Variants in VWDE observed in about 807,000 individuals in gnomAD.
The protein encoded by VWDE is von Willebrand factor D and EGF domains, also known as von Willebrand factor D and EGF domain-containing protein.
In VWDE, 207 loss-of-function variants were observed where a neutral mutation model predicts 178.4. That is an observed-to-expected ratio of 1.16 (90% CI 1.04 to 1.30). The LOEUF is 1.30. VWDE is among the 50% of genes most tolerant of loss of function. The pLI, the probability that VWDE is intolerant of heterozygous loss-of-function variation, is 0.00. For synonymous variants in VWDE, 738 were observed against 651.4 expected (o/e 1.13, Z -2.02); for missense variants, 2,287 against 1,901.3 (o/e 1.20, Z -3.77).
chr7:12,333,815 A>G, intron 27 of VWDE: 1 of 320,220 alleles, frequency 3.1e-6, no homozygotes. Context: ...TTATTAAAAG[A>G]AACAAAAATT....
In VWDE at chr7:12,336,188, C is replaced by G. The variant is rs1215612446; in HGVS notation, c.4607G>C (p.Ser1536Thr). The stretch of plus-strand genomic sequence containing the variant: ...CCAGGAGGAAGGACAATGGCATATG[C>G]TGGGCGCAATGCATTCACCACCGTT... ...CKNGGECIAP[S>T]ICHCPSSWEG... The change falls in exon 27 of 29, where the codon AGC (serine) becomes ACC (threonine). Residue 1536 changes from serine (S) to threonine (T), a missense_variant. By Grantham distance (58) the Ser-to-Thr change is moderately conservative. Coordinates refer to ENST00000275358, the MANE Select transcript of VWDE (RefSeq NM_001135924.3). 1.3e-6 allele frequency: 2 copies of G among 1,551,388 alleles called. No homozygotes were observed. Among genetic ancestry groups the G allele is most frequent in the Non-Finnish European group, 8.7e-7 (1 of 1,146,898 alleles).
In VWDE at chr7:12,369,601, T is replaced by C. The variant is rs1475305268; in HGVS notation, c.2705A>G (p.Glu902Gly). 6.4e-7 allele frequency: 1 copy of C among 1,551,136 alleles called. No homozygotes were observed. The highest frequency in any genetic ancestry group is 1.2e-5 in the South Asian group (1 of 84,038). The change falls in exon 12 of 29, where the codon GAA becomes GGA. Residue 902 changes from glutamate to glycine, a missense_variant. Coordinates refer to ENST00000275358, the MANE Select transcript of VWDE (RefSeq NM_001135924.3). ...NLCSGNGQCMEWGCACSPSFS... is the reference protein window; with the variant it reads ...NLCSGNGQCMGWGCACSPSFS... ...GCTTGGGGAACACGCACACCCCCAT[T>C]CCATGCACTGCCCATTGCCGCTGCA...
chr7:12,333,611 A>T, intron 27 of VWDE, 43 bp from the exon 28 acceptor site: 1 of 1,347,996 alleles, frequency 7.4e-7, no homozygotes. Flanking sequence ...TTTGACATGA[A>T]ATGCTTGTGG....
chr7:12,391,650 G>A (rs1370358853), intron 2 of VWDE, among the ~76,000 whole-genome samples: 1 of 152,082 alleles, frequency 6.6e-6, no homozygotes, highest in Non-Finnish European at 1.5e-5. Context: ...AGCGACTAAT[G>A]AGCAAATAAA....
At chr7:12,377,133 T>C (rs1435158323) in intron 7 of VWDE, among the ~76,000 whole-genome samples, 6 of 152,122 alleles carry the variant, frequency 3.9e-5, no homozygotes, top group African/African-American at 1.4e-4. Context: ...AAAAAGAACA[T>C]AATCAAGCCA....
At chr7:12,345,898 G>A (rs907611999) in intron 19 of VWDE, among the ~76,000 whole-genome samples, 1 of 152,128 alleles carries the variant, frequency 6.6e-6, no homozygotes, top group African/African-American at 2.4e-5. Context: ...ATAGTAGCGG[G>A]AGTAGGAGTA....
chr7:12,370,246 G>A lies in VWDE; in HGVS notation c.2060C>T (p.Pro687Leu). The A allele has an allele frequency of 6.4e-7, 1 of 1,551,026 alleles. No homozygotes were observed. The highest frequency in any genetic ancestry group is 1.2e-5 in the South Asian group (1 of 84,052). Residue 687 changes from proline (P) to leucine (L), a missense_variant, in exon 12 of 29, where the codon CCA (proline) becomes CTA (leucine). Transcript: ENST00000275358. Reference sequence around the variant, plus strand: ...AAATAAATTTAGATTATATTCTTCTGGAGATGTATGCTTGTTTATCTCTCT... The same window carrying A: ...AAATAAATTTAGATTATATTCTTCTAGAGATGTATGCTTGTTTATCTCTCT... ...LVREINKHTS[P>L]EEYNLNLFLQ...
intron 2 of VWDE, 23 bp downstream of exon 2, chr7:12,393,571 C>T (rs1583353670): frequency 1.4e-6 from 2 of 1,476,774 alleles, no homozygotes; most frequent in Non-Finnish European, 1.8e-6. Flanking sequence ...AAATAACATG[C>T]AGTACTTAGG....
chr7:12,333,229 T>C (rs550278824), intron 28 of VWDE, among the ~76,000 whole-genome samples: 31 of 152,282 alleles, frequency 2.0e-4, no homozygotes, highest in African/African-American at 7.2e-4. Flanking sequence ...CATGAAATAC[T>C]GCGTTACATT....
At chr7:12,375,283 A>G in intron 7 of VWDE, 56 bp from the exon 8 acceptor site, 1 of 1,172,574 alleles carries the variant, frequency 8.5e-7, no homozygotes, top group Non-Finnish European at 1.2e-6. Flanking sequence ...TAACCAAAGC[A>G]TGTAATAAAT....
At chr7:12,371,867 C>CT in intron 10 of VWDE, among the ~76,000 whole-genome samples, 1 of 152,048 alleles carries the variant, frequency 6.6e-6, no homozygotes, top group East Asian at 1.9e-4. Context: ...TTAACTATGA[C>CT]TTTTTCATCT....
At chr7:12,333,625 A>C in intron 27 of VWDE, 57 bp from the exon 28 acceptor site, 4 of 1,210,640 alleles carry the variant, frequency 3.3e-6, no homozygotes, top group Non-Finnish European at 4.8e-6. Flanking sequence ...CTTGTGGCAT[A>C]TTCTATCCTA....
At chr7:12,384,859 T>C (rs1784021502) in intron 3 of VWDE, among the ~76,000 whole-genome samples, 1 of 152,100 alleles carries the variant, frequency 6.6e-6, no homozygotes, top group Non-Finnish European at 1.5e-5. Context: ...ATTTAGTATT[T>C]AAACTAAAAG....
At chr7:12,391,850 A>G (rs1298423038) in intron 2 of VWDE, among the ~76,000 whole-genome samples, 1 of 152,144 alleles carries the variant, frequency 6.6e-6, no homozygotes, top group Non-Finnish European at 1.5e-5. Flanking sequence ...ATAATCTTAT[A>G]TGATGTGATC....
At chr7:12,376,483 T>C (rs958293953) in intron 7 of VWDE, among the ~76,000 whole-genome samples, 1 of 152,144 alleles carries the variant, frequency 6.6e-6, no homozygotes, top group African/African-American at 2.4e-5. Flanking sequence ...AGGCTATTAT[T>C]ATATTATTTT....
chr7:12,357,589 A>G (rs1782329728), intron 16 of VWDE, 74 bp from the exon 17 acceptor site: 5 of 1,465,716 alleles, frequency 3.4e-6, no homozygotes, highest in South Asian at 2.6e-5. Flanking sequence ...GAGCTCCCAC[A>G]GAGATATGCA....
In VWDE at chr7:12,339,522, G is replaced by A. The variant is rs975027532; in HGVS notation, c.4366+800C>T. 6.6e-5 allele frequency among the ~76,000 whole-genome samples: 10 copies of A among 152,048 alleles called. No individual in the cohort carries two copies. The South Asian group carries it at 8.3e-4, about 13-fold the overall frequency. On this transcript the variant is annotated intron_variant, in intron 24 of 28. Transcript: ENST00000275358. ...CTATGCCCGTATATCCTGTGTTAGC[G>A]GGATGACTTCTTTTCTGCTTTATTT...
chr7:12,377,108 C>G (rs985661072), intron 7 of VWDE, among the ~76,000 whole-genome samples: 1 of 152,206 alleles, frequency 6.6e-6, no homozygotes, highest in Middle Eastern at 3.4e-3. Context: ...ATCTCTACAT[C>G]AGGGGCTCAG....
Position 12,370,167 on chromosome 7 carries a change from T to C in VWDE, c.2139A>G (p.Lys713=). 3 of 1,551,532 alleles carry C rather than the reference T, an allele frequency of 1.9e-6. No homozygotes were observed. Among genetic ancestry groups the C allele is most frequent in the Non-Finnish European group, 2.6e-6 (3 of 1,146,896 alleles). The change falls in exon 12 of 29, where the codon AAA becomes AAG. Residue 713 remains lysine (K), a synonymous_variant. Coordinates refer to ENST00000275358, the MANE Select transcript of VWDE (RefSeq NM_001135924.3). ...NLTKLGLNVQ[K]HPGNEKEDSL... ...AATCTTCTTTCTCATTTCCAGGATG[T>C]TTTTGTACATTTAAGCCGAGTTTAG...
Sources: gnomAD v4.1 joint callset for allele counts (sites outside exome capture counted in the v4.1 genomes callset) on GRCh38, gnomAD v4.1.1 for gene constraint, MANE v1.5 for transcripts, NCBI Gene and HGNC (gene_info 2026-07-23, HGNC 2026-07-21) for gene names.